The following SERPINB10 variants were observed in gnomAD, a reference collection of about 807,000 sequenced individuals.
SERPINB10 encodes serpin family B member 10, also known as serpin B10.
In SERPINB10, 35 loss-of-function variants were observed where a neutral mutation model predicts 39.1. That is an observed-to-expected ratio of 0.90 (90% confidence interval 0.68 to 1.19). The LOEUF is 1.19. Ranked by LOEUF, SERPINB10 falls within the 50% of genes most tolerant of loss-of-function variation. The pLI is 0.00. For synonymous variants in SERPINB10, 190 were observed against 158.1 expected (o/e 1.20, Z -1.52); for missense variants, 546 against 460.5 (o/e 1.19, Z -1.70).
rs757602586 is a variant in SERPINB10, at chr18:63,919,764, G to C, written c.373-24G>C. On this transcript the variant is annotated intron_variant, in intron 4 of 7. Transcript: ENST00000238508. ...CAATTTTGAACAAACTCTACAAAAG[G>C]GGATTTTTATCTATGTCTTTCAGAA... 5 of 1,468,098 alleles carry C rather than the reference G, an allele frequency of 3.4e-6. No individual in the cohort carries two copies. The African/African-American group carries it at 6.0e-5, about 18-fold the overall frequency. The allele number at this position is 1,468,098 out of a possible 1,614,324, so 90.9% of individuals were successfully genotyped here.
chr18:63,916,755 G>A (rs558968009), intron 2 of SERPINB10, among the ~76,000 whole-genome samples: 13 of 152,140 alleles, frequency 8.5e-5, no homozygotes, highest in Non-Finnish European at 1.6e-4. Context: ...AGTTGCAAAT[G>A]GGCCTCATGA....
intron 7 of SERPINB10, 140 bp from the exon 8 acceptor site, chr18:63,934,698 C>G (rs2050248470): frequency 1.6e-5 from 13 of 795,776 alleles, no homozygotes; most frequent in Middle Eastern, 2.7e-4. Flanking sequence ...AAAGGATTTC[C>G]AGATGTGTGT....
At chr18:63,920,565 A>G (rs2050139608) in intron 5 of SERPINB10, among the ~76,000 whole-genome samples, 1 of 152,014 alleles carries the variant, frequency 6.6e-6, no homozygotes, top group African/African-American at 2.4e-5. Context: ...TAGTAGCAGC[A>G]GGAAGTGGGG....
chr18:63,917,208 C>G (rs758439291), intron 2 of SERPINB10, among the ~76,000 whole-genome samples: 24 of 152,058 alleles, frequency 1.6e-4, no homozygotes, highest in Non-Finnish European at 2.8e-4. Flanking sequence ...GTTTTCCTAA[C>G]ATCATTCTAG....
Position 63,911,380 on chromosome 18 carries a change from A to AT in SERPINB10, c.-10+3351dup, listed in dbSNP as rs59241343. Among the ~76,000 whole-genome samples, 89 of 146,692 alleles carry AT rather than the reference A, an allele frequency of 6.1e-4. 1 individual carries two copies. The South Asian group carries it at 0.012, about 20-fold the overall frequency. On this transcript the variant is annotated intron_variant, in intron 1 of 7. Transcript: ENST00000238508. ...TGATATCCAGAATGGCGTTTCCTGG[A>AT]TTTTTTTTTTTCTAGGATTCTGATA...
chr18:63,913,367 C>G (rs8086765), intron 1 of SERPINB10, among the ~76,000 whole-genome samples: 2 of 151,584 alleles, frequency 1.3e-5, no homozygotes, highest in Admixed American at 1.3e-4. Context: ...GTCTGATGTT[C>G]GATAGTTAAT....
chr18:63,931,270 A>G (rs1429946015), intron 6 of SERPINB10, among the ~76,000 whole-genome samples: 2 of 151,936 alleles, frequency 1.3e-5, no homozygotes, highest in Non-Finnish European at 2.9e-5. Context: ...TCTAGTTGCT[A>G]CTCTCATTCT....
intron 1 of SERPINB10, among the ~76,000 whole-genome samples, chr18:63,912,161 T>A (rs550634753): frequency 2.0e-4 from 31 of 152,128 alleles, no homozygotes; most frequent in African/African-American, 7.0e-4. Flanking sequence ...GAAGCCATTT[T>A]TCGGTTCCAG....
chr18:63,912,918 T>G (rs375533365), intron 1 of SERPINB10, among the ~76,000 whole-genome samples: 2 of 151,812 alleles, frequency 1.3e-5, no homozygotes, highest in Non-Finnish European at 2.9e-5. Flanking sequence ...AGGGCGTTTT[T>G]TGGTTGGTAG....
chr18:63,913,021 C>T (rs2050075955), intron 1 of SERPINB10, among the ~76,000 whole-genome samples: 1 of 151,832 alleles, frequency 6.6e-6, no homozygotes, highest in Non-Finnish European at 1.5e-5. Flanking sequence ...TGTGTGTTTT[C>T]AGGAATTTAT....
intron 5 of SERPINB10, among the ~76,000 whole-genome samples, chr18:63,927,113 C>G (rs1486547461): frequency 6.6e-6 from 1 of 151,468 alleles, no homozygotes; most frequent in African/African-American, 2.4e-5. Flanking sequence ...TTTTGCTTTA[C>G]TTAGTATTTT....
At position 63,930,127 on chromosome 18, in the gene SERPINB10, A is replaced by T. The variant is rs773762399; in HGVS notation, c.573A>T (p.Gly191=). 1.9e-6 allele frequency: 3 copies of T among 1,613,640 alleles called. No individual in the cohort carries two copies. In the South Asian group the frequency reaches 3.3e-5, roughly 18 times the overall value. The change falls in exon 6 of 8, where the codon GGA becomes GGT. Residue 191 remains glycine (G), a synonymous_variant. Coordinates refer to ENST00000238508, the MANE Select transcript of SERPINB10 (RefSeq NM_005024.3). Reference sequence around the variant, plus strand: ...TGGTGAACGCCCTATACTTTAAAGGAATCTGGGAACATCAATTCTTAGTGC... The same window carrying T: ...TGGTGAACGCCCTATACTTTAAAGGTATCTGGGAACATCAATTCTTAGTGC... ...MILVNALYFK[G]IWEHQFLVQN...
In SERPINB10 at chr18:63,910,865, G is replaced by T. The variant is rs764033373; in HGVS notation, c.-10+2825G>T. The stretch of plus-strand genomic sequence containing the variant: ...GTTGAAGGGTAGTTCTAACTTCCTT[G>T]GGAAATCTCCAATCTGCTTTCCATA... On this transcript the variant is annotated intron_variant, in intron 1 of 7. Transcript: ENST00000238508. Among the ~76,000 whole-genome samples the T allele has an allele frequency of 2.0e-5, 3 of 151,806 alleles. No homozygotes were observed. In the South Asian group the frequency reaches 6.2e-4, roughly 31 times the overall value.
intron 7 of SERPINB10, among the ~76,000 whole-genome samples, chr18:63,933,753 A>T (rs1430157123): frequency 6.6e-6 from 1 of 152,228 alleles, no homozygotes; most frequent in Non-Finnish European, 1.5e-5. Context: ...GCTGTTTACC[A>T]GCTAAATTTC....
rs1291116588 is a variant in SERPINB10, at chr18:63,918,089, A to G, written c.359A>G (p.Tyr120Cys). The change falls in exon 4 of 8, where the codon TAT (tyrosine) becomes TGT (cysteine). Residue 120 changes from tyrosine to cysteine, a missense_variant. Tyr to Cys is a radical substitution (Grantham distance 194). Coordinates refer to ENST00000238508, the MANE Select transcript of SERPINB10 (RefSeq NM_005024.3). Reference protein sequence around the residue: ...TANAIYGEKTYAFHNKYLEDM... With the variant: ...TANAIYGEKTCAFHNKYLEDM... ...AATGCGATATATGGAGAGAAAACGT[A>G]TGCATTTCACAATGTAAGTGCAAAT... 3 of 1,612,140 alleles carry G rather than the reference A, an allele frequency of 1.9e-6. No individual in the cohort carries two copies. The highest frequency in any genetic ancestry group is 2.5e-6 in the Non-Finnish European group (3 of 1,178,948).
At position 63,935,551 on chromosome 18, in the gene SERPINB10, C is replaced by A; in HGVS notation, c.*309C>A. The A allele has an allele frequency of 4.0e-6, 1 of 247,502 alleles. No homozygotes were observed. The highest frequency in any genetic ancestry group is 7.7e-6 in the Non-Finnish European group (1 of 130,416). The allele number at this position is 247,502 out of a possible 1,614,324, so 15.3% of individuals were successfully genotyped here. Reference sequence around the variant, plus strand: ...TTGATCACTTGCAATATCCATGATACTTGTTATCATATATTTCATATACAT... The same window carrying A: ...TTGATCACTTGCAATATCCATGATAATTGTTATCATATATTTCATATACAT... On this transcript the variant is annotated 3_prime_UTR_variant, in exon 8 of 8. Coordinates refer to ENST00000238508, the MANE Select transcript of SERPINB10 (RefSeq NM_005024.3).
chr18:63,913,148 C>T (rs894402846), intron 1 of SERPINB10, among the ~76,000 whole-genome samples: 4 of 151,602 alleles, frequency 2.6e-5, no homozygotes, highest in Non-Finnish European at 2.9e-5. Context: ...TCTGATTGTG[C>T]TTATTTATAT....
Position 63,934,348 on chromosome 18 carries a change from CT to C in SERPINB10, c.790-486del, listed in dbSNP as rs370993262. Among the ~76,000 whole-genome samples, 814 of 152,056 alleles carry C rather than the reference CT, an allele frequency of 5.4e-3. 9 individuals carry two copies. Among genetic ancestry groups the C allele is most frequent in the African/African-American group, 0.018 (758 of 41,440 alleles). ...TTTGAGATTTGGAGGATTTTCTTAT[CT>C]TTTCTTTCTTTTTTGACTTAGTCTA... is the stretch of plus-strand genomic sequence containing the variant. On this transcript the variant is annotated intron_variant, in intron 7 of 7. Transcript: ENST00000238508.
intron 2 of SERPINB10, among the ~76,000 whole-genome samples, chr18:63,916,234 A>G (rs1031229083): frequency 1.4e-5 from 2 of 146,470 alleles, no homozygotes; most frequent in African/African-American, 2.7e-5. Flanking sequence ...CATTGTGCGT[A>G]TGTAAATATA....
Sources: gnomAD v4.1 joint callset for allele counts (sites outside exome capture counted in the v4.1 genomes callset) on GRCh38, gnomAD v4.1.1 for gene constraint, MANE v1.5 for transcripts, NCBI Gene and HGNC (gene_info 2026-07-23, HGNC 2026-07-21) for gene names.